The following ASIC2 variants were observed in gnomAD, a reference collection of about 807,000 sequenced individuals.
ASIC2 encodes acid-sensing ion channel 2.
In ASIC2, 25 loss-of-function variants were observed where a neutral mutation model predicts 57.3. That is an observed-to-expected ratio of 0.44 (90% CI 0.32 to 0.61). The LOEUF (loss-of-function observed/expected upper bound fraction) is 0.61. ASIC2 is among the 20% of genes least tolerant of loss of function. The pLI is 0.06. For synonymous variants in ASIC2, 319 were observed against 307.5 expected (o/e 1.04, Z -0.39); for missense variants, 641 against 738.1 (o/e 0.87, Z 1.52).
At chr17:33,876,230 A>T (rs1338924214) in intron 1 of ASIC2, among the ~76,000 whole-genome samples, 1 of 152,208 alleles carries the variant, frequency 6.6e-6, no homozygotes. Context: ...GAAATGAAAC[A>T]GGAAAGGTTA....
At chr17:33,134,920 A>G (rs996127678) in intron 1 of ASIC2, among the ~76,000 whole-genome samples, 8 of 152,216 alleles carry the variant, frequency 5.3e-5, no homozygotes, top group African/African-American at 1.7e-4. Flanking sequence ...AGCATCAACT[A>G]AGTCAGAGAC....
chr17:33,565,422 A>G (rs1300522400), intron 1 of ASIC2, among the ~76,000 whole-genome samples: 2 of 152,174 alleles, frequency 1.3e-5, no homozygotes. Context: ...TTCTGCCTCC[A>G]TATCTGTGCA....
At chr17:34,137,818 G>A (rs1472820962) in intron 1 of ASIC2, among the ~76,000 whole-genome samples, 2 of 152,032 alleles carry the variant, frequency 1.3e-5, no homozygotes, top group African/African-American at 2.4e-5. Flanking sequence ...GGAGGGGTGG[G>A]TCTCTCTAGG....
chr17:33,064,491 G>C (rs1456172037), intron 3 of ASIC2, among the ~76,000 whole-genome samples: 1 of 152,210 alleles, frequency 6.6e-6, no homozygotes, highest in Non-Finnish European at 1.5e-5. Flanking sequence ...TTCAGCAGCG[G>C]AGGCTGCAGA....
chr17:33,477,238 C>A (rs1372656971), intron 1 of ASIC2, among the ~76,000 whole-genome samples: 1 of 152,110 alleles, frequency 6.6e-6, no homozygotes, highest in Non-Finnish European at 1.5e-5. Flanking sequence ...AAATTTCTCC[C>A]CCAAATTGAT....
chr17:34,063,064 C>T (rs918245409), intron 1 of ASIC2, among the ~76,000 whole-genome samples: 7 of 151,896 alleles, frequency 4.6e-5, no homozygotes, highest in Admixed American at 1.3e-4. Flanking sequence ...AGGACAAAAT[C>T]AAAAAAGAAA....
intron 1 of ASIC2, among the ~76,000 whole-genome samples, chr17:33,264,673 T>C (rs769920491): frequency 6.6e-6 from 1 of 152,166 alleles, no homozygotes; most frequent in Non-Finnish European, 1.5e-5. Context: ...AGTGCTTTGG[T>C]CCCCCTGTTT....
rs1397000794 is a variant in ASIC2, at chr17:33,978,902, T to G, written c.555+177076A>C. Reference sequence around the variant, plus strand: ...TAAAACCAAAACAGAATAAACACACTTGGGGGGCTTACAGGAGAAACATTA... The same window carrying G: ...TAAAACCAAAACAGAATAAACACACGTGGGGGGCTTACAGGAGAAACATTA... On this transcript the variant is annotated intron_variant, in intron 1 of 9. Transcript: ENST00000359872. 3.3e-5 allele frequency among the ~76,000 whole-genome samples: 5 copies of G among 152,030 alleles called. 1 individual carries two copies. In the South Asian group the frequency reaches 1.0e-3, roughly 32 times the overall value.
At chr17:33,990,722 C>T (rs1414848) in intron 1 of ASIC2, among the ~76,000 whole-genome samples, 3,156 of 152,024 alleles carry the variant, frequency 0.021, 126 homozygotes, top group African/African-American at 0.072. Context: ...CCAAGCAAAG[C>T]GCAATGTGAG....
At chr17:33,462,547 T>C (rs951920723) in intron 1 of ASIC2, among the ~76,000 whole-genome samples, 1 of 152,146 alleles carries the variant, frequency 6.6e-6, no homozygotes, top group African/African-American at 2.4e-5. Flanking sequence ...CCCTAGACCT[T>C]CCACCCATGT....
intron 1 of ASIC2, among the ~76,000 whole-genome samples, chr17:34,082,925 AT>A (rs1354603636): frequency 1.3e-5 from 2 of 152,186 alleles, no homozygotes; most frequent in African/African-American, 2.4e-5. Flanking sequence ...AAGTTTTTGA[AT>A]GCAGGAGCAT....
chr17:33,274,680 T>G (rs1482155880), intron 1 of ASIC2, among the ~76,000 whole-genome samples: 2 of 146,238 alleles, frequency 1.4e-5, no homozygotes, highest in African/African-American at 5.1e-5. Context: ...TCTCTGGGGG[T>G]TGAGCTTGGG....
At chr17:33,320,099 C>T (rs1906811293) in intron 1 of ASIC2, among the ~76,000 whole-genome samples, 1 of 152,142 alleles carries the variant, frequency 6.6e-6, no homozygotes, top group Non-Finnish European at 1.5e-5. Flanking sequence ...TTAATAGAAG[C>T]CACACCAGCC....
At chr17:33,762,366 G>A (rs1910811293) in intron 1 of ASIC2, among the ~76,000 whole-genome samples, 1 of 152,152 alleles carries the variant, frequency 6.6e-6, no homozygotes, top group Non-Finnish European at 1.5e-5. Context: ...TTTGAATAAG[G>A]GGGAAGGAGT....
chr17:33,825,515 A>G (rs1248682439), intron 1 of ASIC2, among the ~76,000 whole-genome samples: 1 of 152,172 alleles, frequency 6.6e-6, no homozygotes, highest in Non-Finnish European at 1.5e-5. Context: ...CTAAAGCTTC[A>G]TGCGCATTCC....
intron 1 of ASIC2, among the ~76,000 whole-genome samples, chr17:33,374,935 C>A (rs763925125): frequency 6.6e-6 from 1 of 152,068 alleles, no homozygotes; most frequent in African/African-American, 2.4e-5. Context: ...TCTATTTTAC[C>A]GACAAGGAAA....
chr17:33,974,004 T>C (rs1905296302), intron 1 of ASIC2, among the ~76,000 whole-genome samples: 1 of 152,224 alleles, frequency 6.6e-6, no homozygotes. Context: ...CCTTCTACTC[T>C]GTCCTCCAAA....
At chr17:33,233,161 C>T (rs1347282987) in intron 1 of ASIC2, among the ~76,000 whole-genome samples, 1 of 151,516 alleles carries the variant, frequency 6.6e-6, no homozygotes, top group Non-Finnish European at 1.5e-5. Context: ...CTCATATACC[C>T]TCAGCGGTCT....
rs181614119 is a variant in ASIC2 at position 33,177,274 on chromosome 17, G to C, written c.709-65207C>G. 3.7e-4 allele frequency among the ~76,000 whole-genome samples: 56 copies of C among 151,638 alleles called. 1 individual carries two copies. In the East Asian group the frequency reaches 9.9e-3, roughly 27 times the overall value. ...GGAAGAGTTTATGTTGCATGTTAGA[G>C]CTGATGGTCCTCCAGGAGCCCGAGA... On this transcript the variant is annotated intron_variant, in intron 1 of 9. Coordinates refer to ENST00000225823, the MANE Select transcript of ASIC2 (RefSeq NM_183377.2).
Sources: allele counts gnomAD v4.1 joint callset (sites outside exome capture counted in the v4.1 genomes callset), GRCh38; gene constraint gnomAD v4.1.1; transcripts MANE v1.5; gene names NCBI Gene and HGNC (gene_info 2026-07-23, HGNC 2026-07-21).